Variants in ASPG observed in about 807,000 individuals in gnomAD.
ASPG encodes the protein asparaginase.
Under a neutral mutation model 63.2 loss-of-function variants are expected in ASPG, and 53 were observed. The observed-to-expected ratio is 0.84, with a 90% CI of 0.67 to 1.05. The LOEUF is 1.05. ASPG is among the 50% of genes least tolerant of loss of function. ASPG has a pLI of 0.00. For synonymous variants in ASPG, 370 were observed against 355.0 expected (o/e 1.04, Z -0.48); for missense variants, 741 against 794.4 (o/e 0.93, Z 0.81).
At chr14:104,097,065 C>T (rs2036627184) in intron 4 of ASPG, among the ~76,000 whole-genome samples, 1 of 152,172 alleles carries the variant, frequency 6.6e-6, no homozygotes, top group African/African-American at 2.4e-5. Context: ...CTCACCCCCA[C>T]CACCCTCCTT....
chr14:104,089,131 C>T (rs1341029574), intron 1 of ASPG, among the ~76,000 whole-genome samples: 2 of 152,104 alleles, frequency 1.3e-5, no homozygotes, highest in East Asian at 1.9e-4. Context: ...CACCATTCTC[C>T]TGCCTCAGCC....
At chr14:104,088,126 G>A (rs2036269165) in intron 1 of ASPG, among the ~76,000 whole-genome samples, 1 of 152,240 alleles carries the variant, frequency 6.6e-6, no homozygotes, top group African/African-American at 2.4e-5. Flanking sequence ...CAGCCAGACT[G>A]TCAGGCGTCA....
intron 6 of ASPG, among the ~76,000 whole-genome samples, chr14:104,101,962 G>A (rs1344763439): frequency 6.6e-6 from 1 of 152,168 alleles, no homozygotes; most frequent in Non-Finnish European, 1.5e-5. Flanking sequence ...GTGGGGTCAC[G>A]ATTCCCCTGG....
chr14:104,107,193 G>A lies in ASPG; in HGVS notation c.1281G>A (p.Leu427=), dbSNP rs1475957537. The A allele has an allele frequency of 1.9e-6, 3 of 1,576,062 alleles. No homozygotes were observed. The highest frequency in any genetic ancestry group is 2.6e-6 in the Non-Finnish European group (3 of 1,159,592). The change falls in exon 12 of 16, where the codon CTG becomes CTA. Residue 427 remains leucine (L), a synonymous_variant. Transcript: ENST00000551177. ...TTGTGTTACTCCAGGGCAGTGACCTGGGCCTGGTGGACTTTAACGGCCAAA... is the reference window on the plus strand; with the variant it reads ...TTGTGTTACTCCAGGGCAGTGACCTAGGCCTGGTGGACTTTAACGGCCAAA... ...LQALVELGSD[L]GLVDFNGQTP... is the part of the protein sequence containing the mutation.
intron 6 of ASPG, among the ~76,000 whole-genome samples, chr14:104,099,471 G>A (rs1472864662): frequency 2.0e-5 from 3 of 152,140 alleles, no homozygotes; most frequent in Non-Finnish European, 4.4e-5. Context: ...CCTGGCCCTG[G>A]CTGTAGGAGC....
At position 104,093,549 on chromosome 14, in the gene ASPG, G is replaced by C. The variant is rs763349987; in HGVS notation, c.250G>C (p.Asp84His). The C allele has an allele frequency of 1.2e-6, 2 of 1,612,490 alleles. No individual in the cohort carries two copies. The highest frequency in any genetic ancestry group is 8.5e-7 in the Non-Finnish European group (1 of 1,179,766). Residue 84 changes from aspartate (D) to histidine (H), a missense_variant, in exon 3 of 16, where the codon GAC (aspartate) becomes CAC (histidine). Asp to His is a moderately conservative substitution (Grantham distance 81). Transcript: ENST00000551177. ...CGTGCTGGAGTGCCAGCCCCTCTTC[G>C]ACTCCAGTGACATGACCATCGCTGA... The part of the protein sequence containing the change: ...YTVLECQPLF[D>H]SSDMTIAEWV...
rs866719997 is a variant in ASPG at position 104,104,463 on chromosome 14, A to G, written c.913A>G (p.Thr305Ala). 6.2e-7 allele frequency: 1 copy of G among 1,612,388 alleles called. No individual in the cohort carries two copies. Among genetic ancestry groups the G allele is most frequent in the Non-Finnish European group, 8.5e-7 (1 of 1,179,718 alleles). The change falls in exon 8 of 16, where the codon ACC becomes GCC. Residue 305 changes from threonine to alanine, a missense_variant. Coordinates refer to ENST00000551177, the MANE Select transcript of ASPG (RefSeq NM_001080464.3). ...NCTHCLQGAV[T>A]TDYAAGMAMA... ...TACCCACTGCCTCCAGGGGGCTGTG[A>G]CCACAGACTATGCAGCTGGCATGGT...
intron 2 of ASPG, 76 bp from the exon 3 acceptor site, chr14:104,093,415 G>A: frequency 2.3e-6 from 3 of 1,324,234 alleles, no homozygotes; most frequent in Non-Finnish European, 3.2e-6. Context: ...GAACAGAGCG[G>A]GTCAGGGCAT....
At position 104,088,684 on chromosome 14, in the gene ASPG, G is replaced by A. The variant is rs560266183; in HGVS notation, c.82+2832G>A. Reference sequence around the variant, plus strand: ...TGATGCCCATGGCTTCTTGGTTACTGCAGTGGCGTCTGTGCCCTTGGCCTG... The same window carrying A: ...TGATGCCCATGGCTTCTTGGTTACTACAGTGGCGTCTGTGCCCTTGGCCTG... On this transcript the variant is annotated intron_variant, in intron 1 of 15. Transcript: ENST00000551177. Among the ~76,000 whole-genome samples, 28 of 152,310 alleles carry A rather than the reference G, an allele frequency of 1.8e-4. 1 individual carries two copies. Among genetic ancestry groups the A allele is most frequent in the African/African-American group, 6.5e-4 (27 of 41,552 alleles).
rs536107042 is a variant in ASPG at position 104,092,735 on chromosome 14, T to C, written c.185T>C (p.Val62Ala). The C allele has an allele frequency of 2.6e-6, 4 of 1,535,838 alleles. No individual in the cohort carries two copies. In the South Asian group the frequency reaches 4.8e-5, roughly 18 times the overall value. The change falls in exon 2 of 16, where the codon GTG (valine) becomes GCG (alanine). Residue 62 changes from valine (V) to alanine (A), a missense_variant. By Grantham distance (64) the Val-to-Ala change is moderately conservative. Coordinates refer to ENST00000551177, the MANE Select transcript of ASPG (RefSeq NM_001080464.3). ...CGCGGCCTCTCTGAGGACACCCTGGTGCTACCGTGAGTGTGGGCTCCTCCC... is the reference window on the plus strand; with the variant it reads ...CGCGGCCTCTCTGAGGACACCCTGGCGCTACCGTGAGTGTGGGCTCCTCCC... ...RARGLSEDTL[V>A]LPPASRNQRI...
At chr14:104,105,180 C>A in intron 9 of ASPG, 148 bp from the exon 10 acceptor site, 2 of 1,282,832 alleles carry the variant, frequency 1.6e-6, no homozygotes, top group East Asian at 2.5e-5. Flanking sequence ...GGACCCAGCC[C>A]GCTCTGGCCC....
At position 104,105,458 on chromosome 14, in the gene ASPG, C is replaced by T. The variant is rs772113260; in HGVS notation, c.1173+8C>T. 17 of 1,571,404 alleles carry T rather than the reference C, an allele frequency of 1.1e-5. No homozygotes were observed. Among genetic ancestry groups the T allele is most frequent in the African/African-American group, 5.4e-5 (4 of 74,116 alleles). ...AGTCTGAGCGGCAGCCAGGTAATGG[C>T]GTGGGACACGGGCCTGAGTGGCAGC... On this transcript the variant is annotated splice_region_variant and intron_variant, in intron 10 of 15. Transcript: ENST00000551177.
In ASPG at chr14:104,095,660, A is replaced by G. The variant is rs937052004; in HGVS notation, c.429+4A>G. 1.6e-5 allele frequency: 25 copies of G among 1,612,452 alleles called. No individual in the cohort carries two copies. The highest frequency in any genetic ancestry group is 1.9e-5 in the Non-Finnish European group (23 of 1,179,686). On this transcript the variant is annotated splice_donor_region_variant and intron_variant, in intron 4 of 15. Coordinates refer to ENST00000551177, the MANE Select transcript of ASPG (RefSeq NM_001080464.3). Reference sequence around the variant, plus strand: ...TGTCATCCTCACTGGGGCCCAGGTAATCCCAGGGGCCCGGGGCTCCTAGGA... The same window carrying G: ...TGTCATCCTCACTGGGGCCCAGGTAGTCCCAGGGGCCCGGGGCTCCTAGGA...
intron 12 of ASPG, among the ~76,000 whole-genome samples, chr14:104,107,905 T>C (rs1341749364): frequency 2.6e-5 from 4 of 152,132 alleles, no homozygotes; most frequent in Middle Eastern, 3.2e-3. Flanking sequence ...GCCAACGACC[T>C]GTCTGCTGGT....
rs886734047 is a variant in ASPG at position 104,091,559 on chromosome 14, C to T, written c.83-1074C>T. On this transcript the variant is annotated intron_variant, in intron 1 of 15. Transcript: ENST00000551177. This position sits in a 1 kb window ranked among gnomAD's most constrained non-coding sequence, Gnocchi z 6.4. The stretch of plus-strand genomic sequence containing the variant: ...CGGGTGCCATAAACCTTCACGGGGC[C>T]AAGGGCTGGTGTCCCGGGGCTGGTG... Among the ~76,000 whole-genome samples, 1 of 152,118 alleles carries T rather than the reference C, an allele frequency of 6.6e-6. No homozygotes were observed. Among genetic ancestry groups the T allele is most frequent in the African/African-American group, 2.4e-5 (1 of 41,402 alleles).
Position 104,112,611 on chromosome 14 carries a change from C to A in ASPG, c.*67C>A. ...CATGACCTGCTGGAGGGGTCTCAGG[C>A]ATGACCCCACTGCTGGGGCTGCTTC... On this transcript the variant is annotated 3_prime_UTR_variant, in exon 16 of 16. Coordinates refer to ENST00000551177, the MANE Select transcript of ASPG (RefSeq NM_001080464.3). 6.3e-7 allele frequency: 1 copy of A among 1,586,380 alleles called. No individual in the cohort carries two copies.
In ASPG at chr14:104,110,428, C is replaced by T; in HGVS notation, c.1521-1074C>T. On this transcript the variant is annotated intron_variant, in intron 13 of 15. Transcript: ENST00000551177. The surrounding 1 kb of genome is among the most constrained non-coding windows in gnomAD (Gnocchi z 4.7). ...AGACAGGCCTTGCTGGCTCCATTGA[C>T]AGATGGGGAAACTGAGGCAGTAGTC... is the stretch of plus-strand genomic sequence containing the variant. The T allele has an allele frequency of 1.0e-6, 1 of 985,340 alleles. No individual in the cohort carries two copies. Among genetic ancestry groups the T allele is most frequent in the Non-Finnish European group, 1.2e-6 (1 of 829,898 alleles). 61.0% of individuals were successfully genotyped at this position (985,340 alleles called of 1,614,324 possible).
intron 7 of ASPG, 74 bp downstream of exon 7, chr14:104,103,749 C>A: frequency 7.6e-7 from 1 of 1,307,742 alleles, no homozygotes. Context: ...GGCCCTCAGG[C>A]TCCCTGGGGC....
rs1448143254 is a variant in ASPG, at chr14:104,112,602, G to T, written c.*58G>T. ...CCTTCCTCCCATGACCTGCTGGAGG[G>T]GTCTCAGGCATGACCCCACTGCTGG... is the stretch of plus-strand genomic sequence containing the variant. On this transcript the variant is annotated 3_prime_UTR_variant, in exon 16 of 16. Coordinates refer to ENST00000551177, the MANE Select transcript of ASPG (RefSeq NM_001080464.3). 3 of 1,593,866 alleles carry T rather than the reference G, an allele frequency of 1.9e-6. No individual in the cohort carries two copies. Among genetic ancestry groups the T allele is most frequent in the African/African-American group, 2.7e-5 (2 of 74,688 alleles).
Sources: allele counts gnomAD v4.1 joint callset (sites outside exome capture counted in the v4.1 genomes callset), GRCh38; gene constraint gnomAD v4.1.1; non-coding constraint Gnocchi (gnomAD v3.1); transcripts MANE v1.5; gene names NCBI Gene and HGNC (gene_info 2026-07-23, HGNC 2026-07-21).